The following KLHL1 variants were observed in gnomAD, a reference collection of about 807,000 sequenced individuals.
The protein encoded by KLHL1 is kelch-like protein 1.
KLHL1 carries 47 observed loss-of-function variants against 77.7 expected under a neutral mutation model. That is an observed-to-expected ratio of 0.60 (90% CI 0.48 to 0.77). The LOEUF (loss-of-function observed/expected upper bound fraction) is 0.77, where lower values mean the gene tolerates loss of function less well. Ranked by LOEUF, KLHL1 falls within the 30% of genes least tolerant of loss-of-function variation. The probability of loss-of-function intolerance (pLI) is 0.00; values close to 1 mark genes in which losing one functional copy is unlikely to be tolerated. For synonymous variants in KLHL1, 360 were observed against 325.2 expected, an observed-to-expected ratio of 1.11 and a Z score of -1.15; for missense variants, 925 against 910.8, an observed-to-expected ratio of 1.02 and a Z score of -0.20.
chr13:69,810,657 A>G (rs976630728), intron 6 of KLHL1, among the ~76,000 whole-genome samples: 3 of 152,064 alleles, frequency 2.0e-5, no homozygotes, highest in African/African-American at 7.2e-5. Context: ...AAACAAAGCT[A>G]GCAGATTAAA....
At chr13:69,896,309 C>T (rs775631605) in intron 4 of KLHL1, among the ~76,000 whole-genome samples, 15 of 152,128 alleles carry the variant, frequency 9.9e-5, no homozygotes, top group East Asian at 1.9e-4. Context: ...AGACTCATGC[C>T]GCTACACTTG....
At chr13:69,892,478 A>G (rs1475466257) in intron 4 of KLHL1, among the ~76,000 whole-genome samples, 1 of 152,178 alleles carries the variant, frequency 6.6e-6, no homozygotes, top group African/African-American at 2.4e-5. Context: ...TTCCTGCTCT[A>G]GGACATGTTT....
rs552806559 is a variant in KLHL1 at position 69,958,280 on chromosome 13, C to T, written c.817+3028G>A. Among the ~76,000 whole-genome samples, 205 of 151,584 alleles carry T rather than the reference C, an allele frequency of 1.4e-3. 1 individual carries two copies. Among genetic ancestry groups the T allele is most frequent in the African/African-American group, 4.9e-3 (201 of 41,394 alleles). ...ATAATAATGTAAGTCTACATGTTTG[C>T]TTTAGTTCTTACTGAATTTCTCTGA... On this transcript the variant is annotated intron_variant, in intron 3 of 10. Coordinates refer to ENST00000377844, the MANE Select transcript of KLHL1 (RefSeq NM_020866.3).
intron 6 of KLHL1, among the ~76,000 whole-genome samples, chr13:69,803,536 G>A (rs944180674): frequency 5.9e-5 from 9 of 152,158 alleles, no homozygotes; most frequent in Admixed American, 3.9e-4. Context: ...TGCATATGTT[G>A]AAATATCAGT....
chr13:69,903,944 C>T (rs1182921597), intron 4 of KLHL1, among the ~76,000 whole-genome samples: 1 of 151,614 alleles, frequency 6.6e-6, no homozygotes, highest in Non-Finnish European at 1.5e-5. Flanking sequence ...CCGGCCCTCA[C>T]ATACTTGATA....
In KLHL1 at chr13:69,890,381, T is replaced by C. The variant is rs138708366; in HGVS notation, c.1015-7886A>G. On this transcript the variant is annotated intron_variant, in intron 4 of 10. Transcript: ENST00000377844. ...TAACATATTCTTAAATTGGAAACAT[T>C]CTTTGAAATCACTTAATTTAATTTA... Among the ~76,000 whole-genome samples, 1,015 of 152,126 alleles carry C rather than the reference T, an allele frequency of 6.7e-3. 11 individuals carry two copies. The highest frequency in any genetic ancestry group is 0.023 in the African/African-American group (971 of 41,544).
At chr13:69,717,238 C>A (rs1039499100) in intron 9 of KLHL1, among the ~76,000 whole-genome samples, 2 of 152,166 alleles carry the variant, frequency 1.3e-5, no homozygotes, top group Non-Finnish European at 2.9e-5. Flanking sequence ...CTTGCTATTT[C>A]TAATGATGTT....
At chr13:69,877,474 T>TATA (rs201288356) in intron 5 of KLHL1, among the ~76,000 whole-genome samples, 2 of 142,014 alleles carry the variant, frequency 1.4e-5, no homozygotes, top group African/African-American at 5.7e-5. Context: ...TATATATATA[T>TATA]TTTTTTTTCA....
chr13:69,999,401 G>C (rs1264402876), intron 1 of KLHL1, among the ~76,000 whole-genome samples: 3 of 151,944 alleles, frequency 2.0e-5, no homozygotes, highest in African/African-American at 7.2e-5. Context: ...GCATGGGCCT[G>C]GCATCAGCAT....
chr13:69,726,181 C>T (rs1190103509), intron 8 of KLHL1, among the ~76,000 whole-genome samples: 7 of 152,074 alleles, frequency 4.6e-5, no homozygotes, highest in Non-Finnish European at 1.5e-5. Flanking sequence ...TGCTAAGTAG[C>T]TTGGGATATT....
intron 7 of KLHL1, among the ~76,000 whole-genome samples, chr13:69,779,234 A>G (rs751566074): frequency 2.0e-5 from 3 of 152,218 alleles, no homozygotes; most frequent in Non-Finnish European, 4.4e-5. Context: ...TACGAATTCA[A>G]AAGGCCACAG....
At chr13:69,995,020 C>T (rs193087980) in intron 1 of KLHL1, among the ~76,000 whole-genome samples, 1 of 152,174 alleles carries the variant, frequency 6.6e-6, no homozygotes, top group Admixed American at 6.6e-5. Context: ...AGTGTGGACA[C>T]GAGTGTCACT....
At chr13:69,807,389 G>A (rs999225101) in intron 6 of KLHL1, among the ~76,000 whole-genome samples, 2 of 152,040 alleles carry the variant, frequency 1.3e-5, no homozygotes, top group African/African-American at 4.8e-5. Context: ...GCCATCCTAG[G>A]TATGTCTAGC....
chr13:70,022,178 A>G (rs1159725194), intron 1 of KLHL1, among the ~76,000 whole-genome samples: 2 of 151,758 alleles, frequency 1.3e-5, no homozygotes, highest in African/African-American at 4.8e-5. Context: ...TTGTTTATAT[A>G]CTTTTCTTTA....
At chr13:69,783,363 G>A (rs568032453) in intron 7 of KLHL1, among the ~76,000 whole-genome samples, 17 of 152,192 alleles carry the variant, frequency 1.1e-4, no homozygotes, top group Admixed American at 3.3e-4. Context: ...GTCTCCAGAC[G>A]ATCAAACTAC....
intron 1 of KLHL1, among the ~76,000 whole-genome samples, chr13:70,017,126 C>T (rs188176306): frequency 6.6e-6 from 1 of 152,202 alleles, no homozygotes; most frequent in African/African-American, 2.4e-5. Context: ...ATTCCTCATT[C>T]CTCCTGGACA....
chr13:69,723,750 A>C (rs532769409), intron 8 of KLHL1, among the ~76,000 whole-genome samples: 2 of 152,164 alleles, frequency 1.3e-5, no homozygotes, highest in African/African-American at 4.8e-5. Flanking sequence ...TTTCATCTAC[A>C]TGATAAAACC....
At chr13:69,790,837 GTCAGGAGT>G (rs1876837141) in intron 7 of KLHL1, among the ~76,000 whole-genome samples, 1 of 152,066 alleles carries the variant, frequency 6.6e-6, no homozygotes, top group Non-Finnish European at 1.5e-5. Flanking sequence ...ATCACCTGAG[GTCAGGAGT>G]TCAAGACCAG....
At position 69,707,729 on chromosome 13, in the gene KLHL1, C is replaced by T. The variant is rs373985895; in HGVS notation, c.2083G>A (p.Val695Ile). The T allele has an allele frequency of 3.1e-6, 5 of 1,612,808 alleles. No individual in the cohort carries two copies. Among genetic ancestry groups the T allele is most frequent in the Non-Finnish European group, 4.2e-6 (5 of 1,179,204 alleles). The change falls in exon 10 of 11, where the codon GTC becomes ATC. Residue 695 changes from valine to isoleucine, a missense_variant. By Grantham distance (29) the Val-to-Ile change is conservative. Coordinates refer to ENST00000377844, the MANE Select transcript of KLHL1 (RefSeq NM_020866.3). Reference protein sequence around the residue: ...PLSMPRDAVGVCLLGDRLYAV... With the variant: ...PLSMPRDAVGICLLGDRLYAV... ...TATAATCTGTCACCAAGGAGACAGA[C>T]CCCAACAGCATCTCTGGGCATACTC...
Sources: allele counts gnomAD v4.1 joint callset (sites outside exome capture counted in the v4.1 genomes callset), GRCh38; gene constraint gnomAD v4.1.1; transcripts MANE v1.5; gene names NCBI Gene and HGNC (gene_info 2026-07-23, HGNC 2026-07-21).